The following IQCM variants were observed in gnomAD, a reference collection of about 807,000 sequenced individuals.
The protein encoded by IQCM is IQ motif containing M, also known as IQ domain-containing protein M.
A neutral mutation model predicts 57.6 loss-of-function variants in IQCM; 45 were observed. The observed-to-expected ratio is 0.78, with a 90% CI of 0.62 to 1.00. IQCM has a LOEUF of 1.00. IQCM is among the 50% of genes least tolerant of loss of function. The probability of loss-of-function intolerance (pLI) is 0.00; values close to 1 mark genes in which losing one functional copy is unlikely to be tolerated. For missense variants in IQCM, 468 were observed against 511.6 expected (o/e 0.91, Z 0.82); for synonymous variants, 148 against 158.9 (o/e 0.93, Z 0.51).
At chr4:149,369,398 A>G (rs1013805669) in intron 13 of IQCM, among the ~76,000 whole-genome samples, 1 of 152,076 alleles carries the variant, frequency 6.6e-6, no homozygotes, top group African/African-American at 2.4e-5. Context: ...AAACAAATAT[A>G]TGAGATTAAC....
intron 8 of IQCM, among the ~76,000 whole-genome samples, chr4:149,601,434 G>C (rs955442893): frequency 6.6e-6 from 1 of 152,046 alleles, no homozygotes; most frequent in African/African-American, 2.4e-5. Context: ...AGAAGAAAAG[G>C]CTGTACATGT....
chr4:149,733,324 G>T lies in IQCM; in HGVS notation c.305C>A (p.Pro102His). The change falls in exon 5 of 14, where the codon CCC (proline) becomes CAC (histidine). Residue 102 changes from proline to histidine, a missense_variant. Pro to His is a moderately conservative substitution (Grantham distance 77). Coordinates refer to ENST00000636793, the MANE Select transcript of IQCM (RefSeq NM_001363507.2). ...TTCCTTGAAGGAGATTCGTTGTGGGGGTTCCTGAAGATGCTCGCTTTTGGA... is the reference window on the plus strand; with the variant it reads ...TTCCTTGAAGGAGATTCGTTGTGGGTGTTCCTGAAGATGCTCGCTTTTGGA... Reference protein sequence around the residue: ...ELSKSEHLQEPPQRISFKEPH... With the variant: ...ELSKSEHLQEHPQRISFKEPH... 1 of 1,231,354 alleles carries T rather than the reference G, an allele frequency of 8.1e-7. No individual in the cohort carries two copies. The highest frequency in any genetic ancestry group is 3.1e-4 in the Middle Eastern group (1 of 3,208). The allele number at this position is 1,231,354 out of a possible 1,614,324, so 76.3% of individuals were successfully genotyped here.
rs76502849 is a variant in IQCM at position 149,625,723 on chromosome 4, G to A, written c.566-4479C>T. 1.4e-4 allele frequency among the ~76,000 whole-genome samples: 21 copies of A among 152,060 alleles called. No individual in the cohort carries two copies. The East Asian group carries it at 3.9e-3, about 28-fold the overall frequency. Reference sequence around the variant, plus strand: ...TTTTATTGCTAGCTTTGGAGGAGAGGAATTCTAGTTTCTATGTCCAGCTTC... The same window carrying A: ...TTTTATTGCTAGCTTTGGAGGAGAGAAATTCTAGTTTCTATGTCCAGCTTC... On this transcript the variant is annotated intron_variant, in intron 7 of 13. Coordinates refer to ENST00000636793, the MANE Select transcript of IQCM (RefSeq NM_001363507.2).
chr4:149,757,256 CA>C (rs892655058), intron 2 of IQCM, among the ~76,000 whole-genome samples: 2 of 132,598 alleles, frequency 1.5e-5, no homozygotes, highest in Non-Finnish European at 3.3e-5. Context: ...AGACTCGTCT[CA>C]AAAAAAAATA....
intron 12 of IQCM, among the ~76,000 whole-genome samples, chr4:149,483,845 C>T (rs1741173488): frequency 6.6e-6 from 1 of 151,912 alleles, no homozygotes; most frequent in African/African-American, 2.4e-5. Context: ...TTTGTGAGAT[C>T]TATCCAGTGC....
At chr4:149,729,458 GTTGTTTTTTTTT>G (rs1294971646) in intron 5 of IQCM, among the ~76,000 whole-genome samples, 8 of 116,830 alleles carry the variant, frequency 6.8e-5, no homozygotes, top group South Asian at 2.9e-4. Flanking sequence ...GTCTTTTTTT[GTTGTTTTTTTTT>G]TTGTTGTTTT....
At chr4:149,414,682 T>A (rs777247929) in intron 13 of IQCM, among the ~76,000 whole-genome samples, 36 of 152,216 alleles carry the variant, frequency 2.4e-4, no homozygotes, top group Non-Finnish European at 3.7e-4. Context: ...AACTAAGATT[T>A]ATGTCATTAA....
At chr4:149,545,720 A>G (rs1190971958) in intron 12 of IQCM, among the ~76,000 whole-genome samples, 1 of 152,090 alleles carries the variant, frequency 6.6e-6, no homozygotes, top group Non-Finnish European at 1.5e-5. Context: ...CAGTTTGTTA[A>G]AGAGATAGCT....
At chr4:149,463,434 G>C (rs531332094) in intron 12 of IQCM, among the ~76,000 whole-genome samples, 27 of 152,250 alleles carry the variant, frequency 1.8e-4, no homozygotes, top group Non-Finnish European at 5.9e-5. Context: ...TTTTTAAATG[G>C]GTAGTGTGTT....
intron 13 of IQCM, among the ~76,000 whole-genome samples, chr4:149,416,339 T>A (rs1433654788): frequency 6.6e-6 from 1 of 152,162 alleles, no homozygotes; most frequent in African/African-American, 2.4e-5. Context: ...CAATATAATT[T>A]TTTTTAGAAA....
chr4:149,808,767 A>T (rs1774304025), intron 2 of IQCM, among the ~76,000 whole-genome samples: 1 of 152,154 alleles, frequency 6.6e-6, no homozygotes, highest in African/African-American at 2.4e-5. Flanking sequence ...CTTATTTTTA[A>T]GTTGATAAAT....
At chr4:149,504,580 T>G (rs1406694019) in intron 12 of IQCM, among the ~76,000 whole-genome samples, 2 of 151,764 alleles carry the variant, frequency 1.3e-5, no homozygotes, top group African/African-American at 4.8e-5. Context: ...GACTAGGTAA[T>G]AAAGGCAGAA....
intron 9 of IQCM, among the ~76,000 whole-genome samples, chr4:149,566,377 T>A (rs1165692343): frequency 6.6e-6 from 1 of 152,150 alleles, no homozygotes; most frequent in East Asian, 1.9e-4. Flanking sequence ...GATGGTAGGG[T>A]GATATGTAAT....
chr4:149,438,483 G>C (rs746185520), intron 12 of IQCM, among the ~76,000 whole-genome samples: 5 of 152,024 alleles, frequency 3.3e-5, no homozygotes, highest in Non-Finnish European at 7.4e-5. Context: ...TAAATGACCA[G>C]TTTTTAAATG....
intron 13 of IQCM, among the ~76,000 whole-genome samples, chr4:149,395,503 A>G (rs1357211937): frequency 6.6e-6 from 1 of 152,020 alleles, no homozygotes; most frequent in African/African-American, 2.4e-5. Flanking sequence ...GTTTTATTGA[A>G]GCATAGTTTG....
intron 9 of IQCM, among the ~76,000 whole-genome samples, chr4:149,567,409 C>A (rs919631028): frequency 3.3e-5 from 5 of 151,930 alleles, no homozygotes; most frequent in South Asian, 2.1e-4. Flanking sequence ...TGCAGCAGTG[C>A]GATCTACTCT....
At chr4:149,503,355 C>T (rs1344971748) in intron 12 of IQCM, among the ~76,000 whole-genome samples, 2 of 152,104 alleles carry the variant, frequency 1.3e-5, no homozygotes, top group African/African-American at 4.8e-5. Context: ...GAAAATAACA[C>T]ACGGCTATAC....
At position 149,812,943 on chromosome 4, in the gene IQCM, A is replaced by G. The variant is rs1363952668; in HGVS notation, c.-49+2368T>C. ...AAAAATCAACAACTTAATCCTGGTT[A>G]TCAGTCAGCTACATTAATATCTCAG... On this transcript the variant is annotated intron_variant, in intron 2 of 13. Coordinates refer to ENST00000636793, the MANE Select transcript of IQCM (RefSeq NM_001363507.2). Among the ~76,000 whole-genome samples the G allele has an allele frequency of 6.6e-5, 10 of 152,282 alleles. No homozygotes were observed. The East Asian group carries it at 1.9e-3, about 29-fold the overall frequency.
chr4:149,607,979 G>A (rs1561053576), intron 8 of IQCM, among the ~76,000 whole-genome samples: 1 of 151,916 alleles, frequency 6.6e-6, no homozygotes, highest in East Asian at 1.9e-4. Flanking sequence ...ACATAGAGCA[G>A]CTGAATGGAT....
Sources: gnomAD v4.1 joint callset for allele counts (sites outside exome capture counted in the v4.1 genomes callset) on GRCh38, gnomAD v4.1.1 for gene constraint, MANE v1.5 for transcripts, NCBI Gene and HGNC (gene_info 2026-07-23, HGNC 2026-07-21) for gene names.